MYO6: variants seen among roughly 807,000 people sequenced by gnomAD.
The protein encoded by MYO6 is unconventional myosin-VI.
In MYO6, 74 loss-of-function variants were observed where a neutral mutation model predicts 178.7. The observed-to-expected ratio is 0.41, with a 90% CI of 0.34 to 0.50. The LOEUF (loss-of-function observed/expected upper bound fraction) is 0.50, where lower values mean the gene tolerates loss of function less well. Ranked by LOEUF, MYO6 falls within the 20% of genes least tolerant of loss-of-function variation. The pLI is 0.09. For missense variants in MYO6, 1,330 were observed against 1,547.4 expected, an observed-to-expected ratio of 0.86 and a Z score of 2.36; for synonymous variants, 477 against 504.6, an observed-to-expected ratio of 0.95 and a Z score of 0.73.
chr6:75,782,154 A>G (rs1242610822), intron 1 of MYO6, among the ~76,000 whole-genome samples: 3 of 151,870 alleles, frequency 2.0e-5, no homozygotes, highest in Non-Finnish European at 2.9e-5. Context: ...CAAAAAACAT[A>G]TTTTCCTTTG....
At chr6:75,780,126 T>C (rs1285390768) in intron 1 of MYO6, among the ~76,000 whole-genome samples, 1 of 152,232 alleles carries the variant, frequency 6.6e-6, no homozygotes, top group Admixed American at 6.6e-5. Flanking sequence ...GCAAAGATCA[T>C]TGTTAAATCA....
In MYO6 at chr6:75,835,901, A is replaced by G; in HGVS notation, c.498A>G (p.Arg166=). 1.3e-6 allele frequency: 2 copies of G among 1,582,760 alleles called. No homozygotes were observed. Among genetic ancestry groups the G allele is most frequent in the East Asian group, 2.2e-5 (1 of 44,680 alleles). Residue 166 remains arginine (R), a splice_region_variant and synonymous_variant, in exon 7 of 35, where the codon AGA becomes AGG. Transcript: ENST00000369977. The stretch of plus-strand genomic sequence containing the variant: ...ATTTTTTATCCTATATTTTAAACAG[A>G]TACCTGACTGAATCCTATGGAACAG... ...GKTENTKFVL[R]YLTESYGTGQ... is the part of the protein sequence containing the mutation.
intron 28 of MYO6, among the ~76,000 whole-genome samples, chr6:75,894,372 A>T (rs1160960850): frequency 2.0e-5 from 3 of 152,188 alleles, no homozygotes; most frequent in Non-Finnish European, 4.4e-5. Flanking sequence ...AACCCTTATG[A>T]CCTGAAAGGC....
At chr6:75,756,910 T>C (rs111644275) in intron 1 of MYO6, among the ~76,000 whole-genome samples, 2,446 of 123,862 alleles carry the variant, frequency 0.02, 157 homozygotes, top group East Asian at 0.14. Context: ...TATATATATA[T>C]ACACATATAT....
intron 15 of MYO6, 78 bp from the exon 16 acceptor site, chr6:75,862,518 G>A: frequency 7.8e-7 from 1 of 1,289,306 alleles, no homozygotes. Flanking sequence ...CTTGAAATCT[G>A]TGATTAGTGA....
At chr6:75,896,107 A>C (rs183927848) in intron 29 of MYO6, among the ~76,000 whole-genome samples, 1 of 152,244 alleles carries the variant, frequency 6.6e-6, no homozygotes, top group African/African-American at 2.4e-5. Flanking sequence ...TACTACATAT[A>C]AGGATTTTGG....
intron 1 of MYO6, among the ~76,000 whole-genome samples, chr6:75,814,320 T>A (rs1770994260): frequency 6.6e-6 from 1 of 152,080 alleles, no homozygotes; most frequent in African/African-American, 2.4e-5. Context: ...CTGGTTTTGC[T>A]CCCCTCTCCA....
rs1227176808 is a variant in MYO6, at chr6:75,812,103, T to C, written c.-47-5398T>C. On this transcript the variant is annotated intron_variant, in intron 1 of 34. Coordinates refer to ENST00000369977, the MANE Select transcript of MYO6 (RefSeq NM_004999.4). ...GCACAATGATAGCTTACTGCAACTTTGAACTCCTGGATTCAAGTCATCCTC... is the reference window on the plus strand; with the variant it reads ...GCACAATGATAGCTTACTGCAACTTCGAACTCCTGGATTCAAGTCATCCTC... Among the ~76,000 whole-genome samples the C allele has an allele frequency of 4.6e-5, 7 of 152,072 alleles. 1 individual carries two copies.
Position 75,894,718 on chromosome 6 carries a change from T to A in MYO6, c.3108-513T>A, listed in dbSNP as rs1583393490. 7 of 733,358 alleles carry A rather than the reference T, an allele frequency of 9.5e-6. No homozygotes were observed. In the East Asian group the frequency reaches 2.2e-4, roughly 23 times the overall value. The allele number at this position is 733,358 out of a possible 1,614,324, so 45.4% of individuals were successfully genotyped here. On this transcript the variant is annotated intron_variant, in intron 28 of 34. Coordinates refer to ENST00000369977, the MANE Select transcript of MYO6 (RefSeq NM_004999.4). ...AGAACTAAGTAAACTGTTCTTAATC[T>A]ATAGCATGATGTTGTTGGGTTCTAT...
intron 3 of MYO6, among the ~76,000 whole-genome samples, chr6:75,826,421 C>T (rs904243832): frequency 6.6e-6 from 1 of 152,178 alleles, no homozygotes; most frequent in African/African-American, 2.4e-5. Context: ...AGTAGTAATT[C>T]CCATGTCTGT....
At position 75,817,626 on chromosome 6, in the gene MYO6, G is replaced by A. The variant is rs371575926; in HGVS notation, c.79G>A (p.Asp27Asn). Residue 27 changes from aspartate to asparagine, a missense_variant, in exon 2 of 35, where the codon GAC becomes AAC. Transcript: ENST00000369977. ...QMGNIVDIGP[D>N]SLTIEPLNQK... Reference sequence around the variant, plus strand: ...GGGCAATATTGTGGATATTGGCCCCGACAGCTTAACAATTGAACCCTTGAA... The same window carrying A: ...GGGCAATATTGTGGATATTGGCCCCAACAGCTTAACAATTGAACCCTTGAA... 7.8e-5 allele frequency: 126 copies of A among 1,614,000 alleles called. No individual in the cohort carries two copies. The highest frequency in any genetic ancestry group is 1.0e-4 in the Non-Finnish European group (118 of 1,180,014).
intron 7 of MYO6, among the ~76,000 whole-genome samples, chr6:75,837,146 G>A (rs745587764): frequency 6.6e-6 from 1 of 152,148 alleles, no homozygotes; most frequent in Admixed American, 6.5e-5. Flanking sequence ...TACTCAGTAA[G>A]CATTTTTTAA....
intron 19 of MYO6, among the ~76,000 whole-genome samples, chr6:75,871,834 G>A (rs1289637815): frequency 6.6e-6 from 1 of 152,054 alleles, no homozygotes; most frequent in African/African-American, 2.4e-5. Context: ...TGTTCTAGAA[G>A]TGTCTGTGGG....
chr6:75,781,248 G>C (rs9447553), intron 1 of MYO6, among the ~76,000 whole-genome samples: 3,104 of 152,240 alleles, frequency 0.02, 104 homozygotes, highest in African/African-American at 0.07. Flanking sequence ...TTCATAGAAA[G>C]GGGTACCTAA....
chr6:75,897,210 G>A (rs1288936888), intron 29 of MYO6, among the ~76,000 whole-genome samples: 1 of 152,210 alleles, frequency 6.6e-6, no homozygotes, highest in Non-Finnish European at 1.5e-5. Flanking sequence ...CTTGAATCCT[G>A]AGACAAAAAC....
intron 28 of MYO6, among the ~76,000 whole-genome samples, chr6:75,894,310 A>G (rs551687814): frequency 6.6e-6 from 1 of 152,350 alleles, no homozygotes; most frequent in South Asian, 2.1e-4. Context: ...AATTTAAATT[A>G]AGCAGAATTA....
At chr6:75,826,482 A>T (rs1772482564) in intron 3 of MYO6, among the ~76,000 whole-genome samples, 1 of 152,128 alleles carries the variant, frequency 6.6e-6, no homozygotes, top group African/African-American at 2.4e-5. Context: ...TAGGATTACG[A>T]GTTTTTACTT....
At chr6:75,792,677 A>G (rs1164726525) in intron 1 of MYO6, among the ~76,000 whole-genome samples, 2 of 152,166 alleles carry the variant, frequency 1.3e-5, no homozygotes, top group Non-Finnish European at 2.9e-5. Context: ...ATCAGCAGTA[A>G]TAATAGTTCT....
intron 11 of MYO6, among the ~76,000 whole-genome samples, chr6:75,850,323 T>A (rs1775140665): frequency 6.6e-6 from 1 of 152,230 alleles, no homozygotes; most frequent in Non-Finnish European, 1.5e-5. Flanking sequence ...ATTCTGCATT[T>A]CATCATAAAC....
Sources: gnomAD v4.1 joint callset for allele counts (sites outside exome capture counted in the v4.1 genomes callset) on GRCh38, gnomAD v4.1.1 for gene constraint, MANE v1.5 for transcripts, NCBI Gene and HGNC (gene_info 2026-07-23, HGNC 2026-07-21) for gene names.